Variants in LRP1B observed in about 807,000 individuals in gnomAD.
LRP1B encodes LDL receptor related protein 1B, also known as low-density lipoprotein receptor-related protein 1B.
In LRP1B, 217 loss-of-function variants were observed where a neutral mutation model predicts 556.6. That is an observed-to-expected ratio of 0.39 (90% CI 0.35 to 0.44). LRP1B has a LOEUF of 0.44. LRP1B is among the 20% of genes least tolerant of loss of function. The probability of loss-of-function intolerance (pLI) is 1.00; values close to 1 mark genes in which losing one functional copy is unlikely to be tolerated. For missense variants in LRP1B, 5,053 were observed against 5,620.8 expected (o/e 0.90, Z 3.23); for synonymous variants, 2,047 against 1,865.8 (o/e 1.10, Z -2.50).
chr2:141,089,993 T>C (rs753003976), intron 7 of LRP1B, among the ~76,000 whole-genome samples: 1 of 152,162 alleles, frequency 6.6e-6, no homozygotes, highest in Non-Finnish European at 1.5e-5. Flanking sequence ...GAATTCAGAA[T>C]AGGGATACAA....
At chr2:141,535,225 A>G (rs938063491) in intron 2 of LRP1B, among the ~76,000 whole-genome samples, 2 of 152,072 alleles carry the variant, frequency 1.3e-5, no homozygotes, top group Non-Finnish European at 2.9e-5. Flanking sequence ...GTCCTTCCTC[A>G]AATGGGTTCA....
At chr2:140,743,730 C>T (rs933990830) in intron 35 of LRP1B, among the ~76,000 whole-genome samples, 11 of 151,818 alleles carry the variant, frequency 7.2e-5, no homozygotes, top group African/African-American at 1.2e-4. Context: ...AAGGCTGAGG[C>T]GGGTGGATCA....
At chr2:141,048,298 A>G (rs999630976) in intron 11 of LRP1B, among the ~76,000 whole-genome samples, 6 of 152,024 alleles carry the variant, frequency 3.9e-5, no homozygotes, top group Non-Finnish European at 8.8e-5. Flanking sequence ...TTGATTTATT[A>G]TTTGCAATCT....
At chr2:141,832,465 C>A (rs1697145779) in intron 1 of LRP1B, among the ~76,000 whole-genome samples, 1 of 151,392 alleles carries the variant, frequency 6.6e-6, no homozygotes, top group African/African-American at 2.4e-5. Flanking sequence ...CACAAACATA[C>A]CTATTTTCTC....
In LRP1B at chr2:141,933,268, G is replaced by GA. The variant is rs199596841; in HGVS notation, c.83-122868dup. On this transcript the variant is annotated intron_variant, in intron 1 of 90. Coordinates refer to ENST00000389484, the MANE Select transcript of LRP1B (RefSeq NM_018557.3). ...TTGTTGCAAAGAGATTAATCTTGCA[G>GA]AAAAAAAATCACCCTACTGAAAATA... 5.8e-3 allele frequency among the ~76,000 whole-genome samples: 885 copies of GA among 151,738 alleles called. 21 individuals are homozygous for GA. The highest frequency in any genetic ancestry group is 3.9e-3 in the Non-Finnish European group (265 of 67,854).
At chr2:141,521,683 T>C (rs957794309) in intron 2 of LRP1B, among the ~76,000 whole-genome samples, 4 of 152,032 alleles carry the variant, frequency 2.6e-5, no homozygotes, top group Admixed American at 6.6e-5. Context: ...TTATATTGTG[T>C]CAAATCACAT....
chr2:140,533,369 T>G (rs1201085929), intron 47 of LRP1B, among the ~76,000 whole-genome samples: 1 of 152,150 alleles, frequency 6.6e-6, no homozygotes, highest in Non-Finnish European at 1.5e-5. Flanking sequence ...AAGTGTGATA[T>G]CCAAATTTAG....
chr2:141,097,808 T>C (rs558284656), intron 7 of LRP1B, among the ~76,000 whole-genome samples: 4 of 152,310 alleles, frequency 2.6e-5, no homozygotes, highest in African/African-American at 9.6e-5. Flanking sequence ...TCAAACTCTT[T>C]TCTAATTCAT....
At chr2:141,397,011 G>T (rs1169381026) in intron 3 of LRP1B, among the ~76,000 whole-genome samples, 2 of 148,920 alleles carry the variant, frequency 1.3e-5, no homozygotes, top group African/African-American at 5.0e-5. Context: ...TACTCGGGAG[G>T]CTTAGGGAAG....
intron 84 of LRP1B, 129 bp from the exon 85 acceptor site, chr2:140,274,727 T>C: frequency 1.5e-6 from 1 of 684,550 alleles, no homozygotes; most frequent in Middle Eastern, 2.8e-4. Context: ...AAGCAGCTTA[T>C]AATTACACAT....
intron 2 of LRP1B, among the ~76,000 whole-genome samples, chr2:141,782,367 C>A (rs2105641440): frequency 6.6e-6 from 1 of 152,156 alleles, no homozygotes; most frequent in Admixed American, 6.6e-5. Flanking sequence ...ACTTTGCCCC[C>A]TTCCCGCTTA....
intron 7 of LRP1B, among the ~76,000 whole-genome samples, chr2:141,119,847 C>A (rs1001200487): frequency 1.3e-5 from 2 of 151,658 alleles, no homozygotes; most frequent in Non-Finnish European, 3.0e-5. Flanking sequence ...AAGGCACAGA[C>A]TTGGCCTAAG....
intron 86 of LRP1B, chr2:140,269,416 C>A (rs767243296): frequency 2.2e-6 from 1 of 464,934 alleles, no homozygotes; most frequent in Non-Finnish European, 4.4e-6. Flanking sequence ...CTAAATAAAG[C>A]GTCTGACTTG....
chr2:140,304,108 C>T (rs902587345), intron 83 of LRP1B, among the ~76,000 whole-genome samples: 9 of 152,052 alleles, frequency 5.9e-5, no homozygotes, highest in South Asian at 2.1e-4. Flanking sequence ...TGAATAGTTC[C>T]GTAATAAACG....
chr2:140,989,741 CAG>C, intron 16 of LRP1B, 84 bp from the exon 17 acceptor site: 4 of 1,346,668 alleles, frequency 3.0e-6, no homozygotes, highest in Non-Finnish European at 4.2e-6. Context: ...AGAAAAGTTA[CAG>C]TAATAATATT....
chr2:141,637,479 A>G (rs1200131403), intron 2 of LRP1B, among the ~76,000 whole-genome samples: 2 of 152,230 alleles, frequency 1.3e-5, no homozygotes, highest in African/African-American at 4.8e-5. Context: ...TGCAAAGCAC[A>G]TTTTCCTGGG....
intron 7 of LRP1B, among the ~76,000 whole-genome samples, chr2:141,065,177 T>A (rs763547184): frequency 1.3e-5 from 2 of 151,888 alleles, no homozygotes; most frequent in Non-Finnish European, 2.9e-5. Flanking sequence ...TCACCAGTTG[T>A]TTACATTTCG....
At chr2:141,022,856 T>C (rs1418055740) in intron 11 of LRP1B, among the ~76,000 whole-genome samples, 1 of 151,984 alleles carries the variant, frequency 6.6e-6, no homozygotes, top group Non-Finnish European at 1.5e-5. Context: ...ATAAAATTCA[T>C]ATTTTCTACT....
intron 1 of LRP1B, among the ~76,000 whole-genome samples, chr2:141,882,722 C>T (rs1371350548): frequency 1.3e-5 from 2 of 152,020 alleles, no homozygotes; most frequent in Non-Finnish European, 2.9e-5. Flanking sequence ...ATATCAAGAA[C>T]ATAATAGTTA....
Sources: allele counts gnomAD v4.1 joint callset (sites outside exome capture counted in the v4.1 genomes callset), GRCh38; gene constraint gnomAD v4.1.1; transcripts MANE v1.5; gene names NCBI Gene and HGNC (gene_info 2026-07-23, HGNC 2026-07-21).